The following ABCA3 variants were observed in gnomAD, a reference collection of about 807,000 sequenced individuals.
ABCA3 encodes the protein phospholipid-transporting ATPase ABCA3.
ABCA3 carries 88 observed loss-of-function variants against 172.8 expected under a neutral mutation model. The observed-to-expected ratio is 0.51, with a 90% CI of 0.43 to 0.61. The LOEUF (loss-of-function observed/expected upper bound fraction) is 0.61, where lower values mean the gene tolerates loss of function less well. Ranked by LOEUF, ABCA3 falls within the 20% of genes least tolerant of loss-of-function variation. The pLI is 0.00. For missense variants in ABCA3, 2,164 were observed against 2,301.0 expected (o/e 0.94, Z 1.22); for synonymous variants, 1,066 against 983.8 (o/e 1.08, Z -1.56).
chr16:2,292,014 G>A (rs567452114), intron 19 of ABCA3, 126 bp downstream of exon 19: 227 of 714,774 alleles, frequency 3.2e-4, no homozygotes, highest in Admixed American at 2.0e-3. Flanking sequence ...CGGAGGTTGC[G>A]GTGAGCCGAG....
chr16:2,290,704 C>T (rs1440207836), intron 19 of ABCA3, among the ~76,000 whole-genome samples: 2 of 152,224 alleles, frequency 1.3e-5, no homozygotes. Context: ...GTCCCTCCCT[C>T]CCTCCGCCGC....
At chr16:2,323,786 C>T (rs1413056926) in intron 6 of ABCA3, 98 bp from the exon 7 acceptor site, 68 of 1,310,718 alleles carry the variant, frequency 5.2e-5, no homozygotes, top group East Asian at 6.9e-5. Flanking sequence ...CTGTCACAGC[C>T]GAGAACTCAC....
chr16:2,304,272 C>A (rs2093694091), intron 11 of ABCA3, 122 bp from the exon 12 acceptor site: 2 of 999,900 alleles, frequency 2.0e-6, no homozygotes, highest in African/African-American at 1.6e-5. Flanking sequence ...GGTTGGCATG[C>A]CTTTTCCCTT....
chr16:2,311,549 GT>G (rs2093706753), intron 10 of ABCA3, among the ~76,000 whole-genome samples: 1 of 151,846 alleles, frequency 6.6e-6, no homozygotes, highest in South Asian at 2.1e-4. Context: ...TGGAGAGAGA[GT>G]CTCGCTCTGT....
intron 20 of ABCA3, 38 bp downstream of exon 20, chr16:2,289,396 C>G (rs1335073553): frequency 9.0e-6 from 14 of 1,550,306 alleles, no homozygotes; most frequent in Non-Finnish European, 1.1e-5. Context: ...GGCTGCTCGC[C>G]CTTCCCCCGC....
chr16:2,299,601 C>T, intron 13 of ABCA3, 69 bp from the exon 14 acceptor site: 1 of 1,602,718 alleles, frequency 6.2e-7, no homozygotes, highest in Non-Finnish European at 8.5e-7. Context: ...GCCTCTCCTG[C>T]TCCCCTGCCC....
rs138019085 is a variant in ABCA3, at chr16:2,297,497, A to C, written c.2095T>G (p.Ser699Ala). ...DEPTSGMDAI[S>A]RRAIWDLLQR... is the part of the protein sequence containing the mutation. ...AGAAGATCCCAGATGGCCCTCCTGG[A>C]GATGGCGTCCATGCCCGAGGTGGGC... is the stretch of plus-strand genomic sequence containing the variant. Residue 699 changes from serine (S) to alanine (A), a missense_variant, in exon 17 of 33, where the codon TCC becomes GCC. Around this residue, in one of 3 missense-constraint regions of ABCA3, gnomAD observed 1,343 missense variants for 1,369.6 expected, o/e 0.98. Coordinates refer to ENST00000301732, the MANE Select transcript of ABCA3 (RefSeq NM_001089.3). The surrounding 1 kb of genome is among the most constrained non-coding windows in gnomAD (Gnocchi z 5.6). The C allele has an allele frequency of 4.4e-5, 71 of 1,613,386 alleles. No homozygotes were observed. The African/African-American group carries it at 8.8e-4, about 20-fold the overall frequency.
At position 2,325,960 on chromosome 16, in the gene ABCA3, C is replaced by T. The variant is rs46725; in HGVS notation, c.319+50G>A. 0.97 allele frequency: 1,560,916 copies of T among 1,608,760 alleles called. 767,010 individuals carry two copies. The highest frequency in any genetic ancestry group is 1 in the East Asian group (44,876 of 44,880). The stretch of plus-strand genomic sequence containing the variant: ...TGGGCTCGACCCCTGCCTGCCCAGC[C>T]GCGTGGAGGCACCACTAGGCCTGGC... On this transcript the variant is annotated intron_variant, in intron 5 of 32. Coordinates refer to ENST00000301732, the MANE Select transcript of ABCA3 (RefSeq NM_001089.3).
At chr16:2,331,099 GAAC>G (rs1347892835) in intron 1 of ABCA3, among the ~76,000 whole-genome samples, 1 of 152,100 alleles carries the variant, frequency 6.6e-6, no homozygotes, top group Non-Finnish European at 1.5e-5. Context: ...TAAAAACACA[GAAC>G]AACTTCCAAC....
At position 2,283,237 on chromosome 16, in the gene ABCA3, C is replaced by A. The variant is rs149050142; in HGVS notation, c.3984G>T (p.Leu1328=). The A allele has an allele frequency of 3.3e-4, 527 of 1,613,456 alleles. 7 individuals carry two copies. The East Asian group carries it at 8.0e-3, about 25-fold the overall frequency. The part of the protein sequence containing the change: ...LILLFLIETN[L]LQRLRGILCA... ...AGAGGATGCCCCTGAGTCTCTGAAG[C>A]AGGTTGGTCTCGATGAGGAAGAGCA... Residue 1328 remains leucine, a synonymous_variant, in exon 26 of 33, where the codon CTG becomes CTT. Transcript: ENST00000301732. The surrounding 1 kb of genome is among the most constrained non-coding windows in gnomAD (Gnocchi z 5.4).
At position 2,308,563 on chromosome 16, in the gene ABCA3, A is replaced by G. The variant is rs770337880; in HGVS notation, c.1172T>C (p.Phe391Ser). The G allele has an allele frequency of 2.5e-6, 4 of 1,614,192 alleles. No individual in the cohort carries two copies. Among genetic ancestry groups the G allele is most frequent in the Non-Finnish European group, 3.4e-6 (4 of 1,180,014 alleles). Reference protein sequence around the residue: ...LYFFTYIPYFFVAPRYNWMTL... With the variant: ...LYFFTYIPYFSVAPRYNWMTL... ...CATCCAGTTGTACCGAGGGGCCACGAAGAAGTAGGGGATGTAGGTGAAGAA... is the reference window on the plus strand; with the variant it reads ...CATCCAGTTGTACCGAGGGGCCACGGAGAAGTAGGGGATGTAGGTGAAGAA... Residue 391 changes from phenylalanine (F) to serine (S), a missense_variant, in exon 11 of 33, where the codon TTC becomes TCC. Physicochemically the swap from Phe to Ser is radical, Grantham distance 155. Transcript: ENST00000301732.
chr16:2,287,282 CTCTT>C lies in ABCA3; in HGVS notation c.3005-319_3005-316del, dbSNP rs775571872. The stretch of plus-strand genomic sequence containing the variant: ...CAGTATCCAACTATGACTACCAAGA[CTCTT>C]TCTTTTTTTTTTTGAGACAGTCTTG... On this transcript the variant is annotated intron_variant, in intron 21 of 32. Transcript: ENST00000301732. The surrounding 1 kb of genome is among the most constrained non-coding windows in gnomAD (Gnocchi z 4.1). 1.3e-5 allele frequency among the ~76,000 whole-genome samples: 2 copies of C among 149,066 alleles called. No individual in the cohort carries two copies. Among genetic ancestry groups the C allele is most frequent in the Admixed American group, 1.3e-4 (2 of 14,990 alleles).
At chr16:2,316,574 A>G (rs2092889415) in intron 10 of ABCA3, among the ~76,000 whole-genome samples, 1 of 147,940 alleles carries the variant, frequency 6.8e-6, no homozygotes, top group Non-Finnish European at 1.5e-5. Flanking sequence ...GCTACTCAAG[A>G]GGCTGAGGCA....
At position 2,284,962 on chromosome 16, in the gene ABCA3, G is replaced by T. The variant is rs112168649; in HGVS notation, c.3520C>A (p.Arg1174=). The T allele has an allele frequency of 6.2e-7, 1 of 1,613,644 alleles. No homozygotes were observed. Among genetic ancestry groups the T allele is most frequent in the Non-Finnish European group, 8.5e-7 (1 of 1,179,988 alleles). Residue 1174 remains arginine, a synonymous_variant, in exon 24 of 33, where the codon CGG becomes AGG. Coordinates refer to ENST00000301732, the MANE Select transcript of ABCA3 (RefSeq NM_001089.3). This position sits in a 1 kb window ranked among gnomAD's most constrained non-coding sequence, Gnocchi z 5.9. ...AGGGTGTCAGCCATGTGGCCGTCCC[G>T]CGTGAAGGCACGCACGTCGAAGGCC... The part of the protein sequence containing the change: ...FKAFDVRAFT[R]DGHMADTLLL...
rs780828723 is a variant in ABCA3, at chr16:2,288,291, C to T, written c.2739G>A (p.Leu913=). Residue 913 remains leucine, a synonymous_variant, in exon 21 of 33, where the codon CTG becomes CTA. Coordinates refer to ENST00000301732, the MANE Select transcript of ABCA3 (RefSeq NM_001089.3). ...CGCGCCAGCTGTATGCGGCCTTCTT[C>T]AGGAACATGGCCCAGAATTGCTGGC... ...LHCQQFWAMF[L]KKAAYSWREW... is the part of the protein sequence containing the mutation. 1.2e-5 allele frequency: 19 copies of T among 1,576,258 alleles called. No homozygotes were observed. Among genetic ancestry groups the T allele is most frequent in the Middle Eastern group, 1.7e-4 (1 of 6,044 alleles).
At chr16:2,290,983 C>A (rs45566336) in intron 19 of ABCA3, among the ~76,000 whole-genome samples, 2,398 of 152,104 alleles carry the variant, frequency 0.016, 68 homozygotes, top group African/African-American at 0.055. Flanking sequence ...GATTCTCCTG[C>A]CTCAGCCTCC....
chr16:2,331,746 T>C (rs1295515787), intron 1 of ABCA3, among the ~76,000 whole-genome samples: 5 of 152,252 alleles, frequency 3.3e-5, no homozygotes, highest in South Asian at 2.1e-4. Flanking sequence ...GAAGTGCTGA[T>C]GACTGAGGCC....
At chr16:2,323,484 G>A (rs1269082110) in intron 7 of ABCA3, 39 bp downstream of exon 7, 1 of 1,613,082 alleles carries the variant, frequency 6.2e-7, no homozygotes, top group East Asian at 2.2e-5. Flanking sequence ...CTAGTCAACA[G>A]CCCGGGCTGG....
chr16:2,298,588 T>C, intron 14 of ABCA3, 48 bp from the exon 15 acceptor site: 1 of 1,605,702 alleles, frequency 6.2e-7, no homozygotes, highest in South Asian at 1.1e-5. Flanking sequence ...ATCCTGCTCG[T>C]CAGCACCCGC....
Sources: allele counts gnomAD v4.1 joint callset (sites outside exome capture counted in the v4.1 genomes callset), GRCh38; gene constraint gnomAD v4.1.1; regional missense constraint gnomAD v4.1.1; non-coding constraint Gnocchi (gnomAD v3.1); transcripts MANE v1.5; gene names NCBI Gene and HGNC (gene_info 2026-07-23, HGNC 2026-07-21).